Variants in PIAS1 observed in about 807,000 individuals in gnomAD.
PIAS1 encodes protein inhibitor of activated STAT 1, also known as E3 SUMO-protein ligase PIAS1.
PIAS1 carries 6 observed loss-of-function variants against 71.3 expected under a neutral mutation model. That is an observed-to-expected ratio of 0.08 (90% CI 0.05 to 0.17). The LOEUF (loss-of-function observed/expected upper bound fraction) is 0.17, where lower values mean the gene tolerates loss of function less well. Ranked by LOEUF, PIAS1 falls within the 10% of genes least tolerant of loss-of-function variation. The pLI, the probability that PIAS1 is intolerant of heterozygous loss-of-function variation, is 1.00. For synonymous variants in PIAS1, 303 were observed against 292.9 expected (o/e 1.03, Z -0.35); for missense variants, 555 against 793.6 (o/e 0.70, Z 3.61).
At chr15:68,168,034 A>T (rs575385998) in intron 8 of PIAS1, among the ~76,000 whole-genome samples, 2 of 150,552 alleles carry the variant, frequency 1.3e-5, no homozygotes, top group Non-Finnish European at 2.9e-5. Context: ...TTTGAGACAG[A>T]GTCTTGTTCT....
At chr15:68,140,431 G>A (rs1264212293) in intron 2 of PIAS1, among the ~76,000 whole-genome samples, 5 of 152,178 alleles carry the variant, frequency 3.3e-5, no homozygotes, top group African/African-American at 1.2e-4. Flanking sequence ...AGAGGGAAAT[G>A]TTAGCTGGTT....
Position 68,086,771 on chromosome 15 carries a change from T to C in PIAS1, c.469+21T>C, listed in dbSNP as rs903583134. 1 of 1,491,910 alleles carries C rather than the reference T, an allele frequency of 6.7e-7. No individual in the cohort carries two copies. Among genetic ancestry groups the C allele is most frequent in the African/African-American group, 1.4e-5 (1 of 72,228 alleles). 92.4% of individuals were successfully genotyped at this position (1,491,910 alleles called of 1,614,324 possible). On this transcript the variant is annotated intron_variant, in intron 2 of 13. Transcript: ENST00000249636. The surrounding 1 kb of genome is among the most constrained non-coding windows in gnomAD (Gnocchi z 7.2). ...TCTAGGTAAGATTATTGTATGATAG[T>C]ATTTGGTTACTTTTGCAGGATGAAT...
At chr15:68,127,339 AG>A (rs1161747575) in intron 2 of PIAS1, among the ~76,000 whole-genome samples, 2 of 152,152 alleles carry the variant, frequency 1.3e-5, no homozygotes, top group African/African-American at 4.8e-5. Flanking sequence ...GCAGTTGTCT[AG>A]CTAACTAGAG....
chr15:68,058,820 C>T (rs2091924924), intron 1 of PIAS1, among the ~76,000 whole-genome samples: 1 of 152,084 alleles, frequency 6.6e-6, no homozygotes, highest in South Asian at 2.1e-4. Context: ...TATTTATCCA[C>T]TTAAGACTTT....
rs190398680 is a variant in PIAS1, at chr15:68,073,054, C to T, written c.25-13252C>T. Among the ~76,000 whole-genome samples, 475 of 152,198 alleles carry T rather than the reference C, an allele frequency of 3.1e-3. 2 individuals carry two copies. The highest frequency in any genetic ancestry group is 0.011 in the African/African-American group (447 of 41,512). On this transcript the variant is annotated intron_variant, in intron 1 of 13. Transcript: ENST00000249636. ...TTTTTGAGATGGAGTCTTGCTCTGT[C>T]GCCCAGGCTGGAGTGCAGTGGCGCA...
rs778035039 is a variant in PIAS1 at position 68,086,612 on chromosome 15, G to A, written c.331G>A (p.Val111Ile). The A allele has an allele frequency of 5.8e-5, 93 of 1,613,584 alleles. No individual in the cohort carries two copies. The highest frequency in any genetic ancestry group is 7.1e-5 in the Non-Finnish European group (84 of 1,179,764). ...CCCTGCATCATCGCCATTACTCCCTGTTTCTCTTCTGGGACCTAAACATGA... is the reference window on the plus strand; with the variant it reads ...CCCTGCATCATCGCCATTACTCCCTATTTCTCTTCTGGGACCTAAACATGA... The part of the protein sequence containing the change: ...GHPASSPLLP[V>I]SLLGPKHELE... Residue 111 changes from valine to isoleucine, a missense_variant, in exon 2 of 14, where the codon GTT becomes ATT. Val to Ile is a conservative substitution (Grantham distance 29, BLOSUM62 3). Transcript: ENST00000249636. This position sits in a 1 kb window ranked among gnomAD's most constrained non-coding sequence, Gnocchi z 7.2.
rs545429277 is a variant in PIAS1, at chr15:68,174,214, T to C, written c.1169+322T>C. Among the ~76,000 whole-genome samples the C allele has an allele frequency of 3.3e-5, 5 of 152,364 alleles. No homozygotes were observed. Among genetic ancestry groups the C allele is most frequent in the African/African-American group, 1.2e-4 (5 of 41,594 alleles). The stretch of plus-strand genomic sequence containing the variant: ...TCATTAGTCCATCCATCCCTAGATA[T>C]GCAGACCATATTGGAACAAGAATGT... On this transcript the variant is annotated intron_variant, in intron 9 of 13. Coordinates refer to ENST00000249636, the MANE Select transcript of PIAS1 (RefSeq NM_016166.3). The surrounding 1 kb of genome is among the most constrained non-coding windows in gnomAD (Gnocchi z 4.0).
Position 68,187,579 on chromosome 15 carries a change from C to CAGT in PIAS1, c.1701_1703dup (p.Val568dup). 2 of 1,613,914 alleles carry CAGT rather than the reference C, an allele frequency of 1.2e-6. No individual in the cohort carries two copies. Among genetic ancestry groups the CAGT allele is most frequent in the Non-Finnish European group, 1.7e-6 (2 of 1,179,798 alleles). On this transcript the variant is annotated inframe_insertion, in exon 14 of 14. Coordinates refer to ENST00000249636, the MANE Select transcript of PIAS1 (RefSeq NM_016166.3). The surrounding 1 kb of genome is among the most constrained non-coding windows in gnomAD (Gnocchi z 5.3). The stretch of plus-strand genomic sequence containing the variant: ...TCCTTGCTTGCCGCTGCAGCAGCAG[C>CAGT]AGTTTCAGATGATCAAGACCTCCTA...
chr15:68,092,919 C>T (rs961927088), intron 2 of PIAS1, among the ~76,000 whole-genome samples: 2 of 152,154 alleles, frequency 1.3e-5, no homozygotes, highest in African/African-American at 4.8e-5. Flanking sequence ...TTAAGATACT[C>T]CTTTTAGCCA....
At chr15:68,065,857 C>T (rs1053547212) in intron 1 of PIAS1, among the ~76,000 whole-genome samples, 1 of 145,940 alleles carries the variant, frequency 6.9e-6, no homozygotes, top group African/African-American at 2.6e-5. Flanking sequence ...CCTTCCACCT[C>T]AGCCTCCTGA....
chr15:68,115,561 C>T (rs1369150546), intron 2 of PIAS1, among the ~76,000 whole-genome samples: 2 of 152,068 alleles, frequency 1.3e-5, no homozygotes, highest in Non-Finnish European at 1.5e-5. Context: ...CTGGCAAGAA[C>T]CTTCAGTATA....
In PIAS1 at chr15:68,054,647, C is replaced by T. The variant is rs1567018987; in HGVS notation, c.24+297C>T. On this transcript the variant is annotated intron_variant, in intron 1 of 13. Transcript: ENST00000249636. The surrounding 1 kb of genome is among the most constrained non-coding windows in gnomAD (Gnocchi z 4.6). ...GTCCGGAGGTAGGGGCTGCAGCTGT[C>T]TCATGGGCTCGGCTTTTTCACCTTC... 9.6e-6 allele frequency: 3 copies of T among 311,284 alleles called. No homozygotes were observed. The highest frequency in any genetic ancestry group is 1.8e-5 in the Non-Finnish European group (3 of 170,096). The allele number at this position is 311,284 out of a possible 1,614,324, so 19.3% of individuals were successfully genotyped here. A position where few individuals can be genotyped will look rare whatever the true frequency, so the allele number is the denominator to read the frequency against.
At chr15:68,144,418 A>G (rs2141050588) in intron 4 of PIAS1, among the ~76,000 whole-genome samples, 1 of 152,106 alleles carries the variant, frequency 6.6e-6, no homozygotes. Context: ...CCCATGAACC[A>G]CTTCACAGAA....
chr15:68,094,195 GA>G (rs1269764990), intron 2 of PIAS1, among the ~76,000 whole-genome samples: 1 of 151,202 alleles, frequency 6.6e-6, no homozygotes, highest in Non-Finnish European at 1.5e-5. Context: ...CTTGACATGG[GA>G]TAGTATACCA....
In PIAS1 at chr15:68,188,382, T is replaced by A. The variant is rs528926491; in HGVS notation, c.*547T>A. ...AAGTTATAAAGCTCATCTGTCCCGC[T>A]GCATTCCCTGTGTATTTTCAGGACA... On this transcript the variant is annotated 3_prime_UTR_variant, in exon 14 of 14. Coordinates refer to ENST00000249636, the MANE Select transcript of PIAS1 (RefSeq NM_016166.3). 3 of 154,090 alleles carry A rather than the reference T, an allele frequency of 1.9e-5. No homozygotes were observed. Among genetic ancestry groups the A allele is most frequent in the African/African-American group, 7.2e-5 (3 of 41,450 alleles). The allele number at this position is 154,090 out of a possible 1,614,324, so 9.5% of individuals were successfully genotyped here. A position where few individuals can be genotyped will look rare whatever the true frequency, so the allele number is the denominator to read the frequency against.
chr15:68,124,858 T>G (rs1404898805), intron 2 of PIAS1, among the ~76,000 whole-genome samples: 3 of 152,210 alleles, frequency 2.0e-5, no homozygotes, highest in Non-Finnish European at 4.4e-5. Flanking sequence ...TATTTTGATC[T>G]CTTTTGGCTT....
chr15:68,146,774 T>C, intron 6 of PIAS1, 74 bp downstream of exon 6: 5 of 985,980 alleles, frequency 5.1e-6, no homozygotes, highest in African/African-American at 1.6e-5. Flanking sequence ...TCTGAATTTA[T>C]ATGTAAATTA....
chr15:68,166,352 T>A (rs966015135), intron 8 of PIAS1, among the ~76,000 whole-genome samples: 8 of 149,554 alleles, frequency 5.3e-5, no homozygotes, highest in Admixed American at 2.0e-4. Flanking sequence ...TGTTTTTTTA[T>A]TTTTTTTTTC....
At chr15:68,068,395 C>T (rs1233784371) in intron 1 of PIAS1, among the ~76,000 whole-genome samples, 1 of 152,112 alleles carries the variant, frequency 6.6e-6, no homozygotes, top group Non-Finnish European at 1.5e-5. Context: ...GTAAGTACAT[C>T]TGGTGATGTT....
Sources: allele counts gnomAD v4.1 joint callset (sites outside exome capture counted in the v4.1 genomes callset), GRCh38; gene constraint gnomAD v4.1.1; non-coding constraint Gnocchi (gnomAD v3.1); transcripts MANE v1.5; gene names NCBI Gene and HGNC (gene_info 2026-07-23, HGNC 2026-07-21).